ADAM12: variants seen among roughly 807,000 people sequenced by gnomAD.
ADAM12 encodes the protein disintegrin and metalloproteinase domain-containing protein 12.
A neutral mutation model predicts 106.4 loss-of-function variants in ADAM12; 70 were observed. That is an observed-to-expected ratio of 0.66 (90% CI 0.54 to 0.80). ADAM12 has a LOEUF of 0.80. ADAM12 is among the 30% of genes least tolerant of loss of function. The pLI is 0.00. For synonymous variants in ADAM12, 420 were observed against 433.5 expected (o/e 0.97, Z 0.39); for missense variants, 1,010 against 1,171.9 (o/e 0.86, Z 2.02).
At chr10:126,182,962 C>T (rs1363474184) in intron 3 of ADAM12, among the ~76,000 whole-genome samples, 1 of 152,218 alleles carries the variant, frequency 6.6e-6, no homozygotes, top group Non-Finnish European at 1.5e-5. Flanking sequence ...GTGAGTGAAG[C>T]TTCATCTGTA....
chr10:126,040,438 A>G (rs1207763430), intron 18 of ADAM12, among the ~76,000 whole-genome samples: 1 of 152,150 alleles, frequency 6.6e-6, no homozygotes, highest in African/African-American at 2.4e-5. Context: ...CTGGCTGTGG[A>G]TCACTGCAGC....
chr10:126,181,346 A>C (rs1957308823), intron 3 of ADAM12, among the ~76,000 whole-genome samples: 1 of 152,044 alleles, frequency 6.6e-6, no homozygotes, highest in Non-Finnish European at 1.5e-5. Context: ...TGCTGGGATT[A>C]TAGGCATGAG....
At chr10:126,109,925 G>A (rs1955839893) in intron 6 of ADAM12, 85 bp from the exon 7 acceptor site, 4 of 1,334,880 alleles carry the variant, frequency 3.0e-6, no homozygotes, top group Middle Eastern at 1.9e-4. Flanking sequence ...AAACACTTTA[G>A]GTTGAGAATG....
intron 3 of ADAM12, among the ~76,000 whole-genome samples, chr10:126,198,084 G>A (rs577317234): frequency 9.2e-4 from 140 of 152,366 alleles, no homozygotes; most frequent in Non-Finnish European, 1.7e-3. Flanking sequence ...ATCTCCTCAT[G>A]GGTTGGGGCT....
intron 3 of ADAM12, among the ~76,000 whole-genome samples, chr10:126,210,444 G>C (rs1415580935): frequency 6.6e-6 from 1 of 152,208 alleles, no homozygotes; most frequent in East Asian, 1.9e-4. Context: ...CCCAATCCAG[G>C]AGGAGGCAAT....
intron 3 of ADAM12, among the ~76,000 whole-genome samples, chr10:126,208,165 T>C (rs1325572386): frequency 1.3e-5 from 2 of 152,050 alleles, no homozygotes; most frequent in Non-Finnish European, 2.9e-5. Flanking sequence ...GAAGCCACCA[T>C]AAAAGGTTCT....
At chr10:126,089,166 C>T (rs1224560523) in intron 11 of ADAM12, among the ~76,000 whole-genome samples, 3 of 152,186 alleles carry the variant, frequency 2.0e-5, no homozygotes, top group Admixed American at 2.0e-4. Context: ...ATCCGTGTGA[C>T]AACTGTGGCA....
At chr10:126,307,177 A>G (rs1960882878) in intron 2 of ADAM12, among the ~76,000 whole-genome samples, 1 of 152,228 alleles carries the variant, frequency 6.6e-6, no homozygotes, top group Admixed American at 6.5e-5. Context: ...TTATAGAATC[A>G]TATTTGTAGA....
intron 3 of ADAM12, among the ~76,000 whole-genome samples, chr10:126,224,777 A>G (rs1958160406): frequency 6.6e-6 from 1 of 152,208 alleles, no homozygotes; most frequent in Non-Finnish European, 1.5e-5. Flanking sequence ...GCCACCTACA[A>G]GTGAGCAGGA....
At chr10:126,364,743 T>C (rs1855853459) in intron 1 of ADAM12, among the ~76,000 whole-genome samples, 1 of 151,988 alleles carries the variant, frequency 6.6e-6, no homozygotes. Flanking sequence ...ACTAACAATT[T>C]AAAAAAATCA....
intron 3 of ADAM12, among the ~76,000 whole-genome samples, chr10:126,259,940 G>C (rs1033222887): frequency 6.6e-6 from 1 of 152,206 alleles, no homozygotes; most frequent in Non-Finnish European, 1.5e-5. Context: ...TCACATGGGA[G>C]TTTGGTCATT....
chr10:126,123,303 G>A (rs1371465981), intron 5 of ADAM12, among the ~76,000 whole-genome samples: 1 of 152,228 alleles, frequency 6.6e-6, no homozygotes, highest in African/African-American at 2.4e-5. Context: ...GAATGTCACA[G>A]ATATTTAGTT....
At chr10:126,310,162 A>G (rs1342758572) in intron 2 of ADAM12, among the ~76,000 whole-genome samples, 1 of 150,468 alleles carries the variant, frequency 6.6e-6, no homozygotes, top group Non-Finnish European at 1.5e-5. Flanking sequence ...CTGTCTCAAA[A>G]AAAAAAAAAA....
intron 1 of ADAM12, among the ~76,000 whole-genome samples, chr10:126,342,741 T>C (rs1854974467): frequency 6.6e-6 from 1 of 152,220 alleles, no homozygotes; most frequent in African/African-American, 2.4e-5. Context: ...ACTGCCTTGG[T>C]TTAAAATCCA....
At chr10:126,087,528 C>G (rs1321477356) in intron 11 of ADAM12, among the ~76,000 whole-genome samples, 2 of 152,042 alleles carry the variant, frequency 1.3e-5, no homozygotes, top group African/African-American at 4.8e-5. Context: ...TCACCTAACA[C>G]TTTGAGGAAG....
intron 12 of ADAM12, among the ~76,000 whole-genome samples, chr10:126,069,776 CGGTG>C (rs1954948712): frequency 6.6e-6 from 1 of 151,876 alleles, no homozygotes; most frequent in South Asian, 2.1e-4. Context: ...GTAGTGATGA[CGGTG>C]GCGGCAGTGG....
intron 4 of ADAM12, among the ~76,000 whole-genome samples, chr10:126,143,562 T>G (rs1956564835): frequency 7.3e-6 from 1 of 137,190 alleles, no homozygotes; most frequent in South Asian, 2.6e-4. Context: ...CATGTATATG[T>G]GGGCACATGT....
chr10:126,241,128 T>C (rs972756942), intron 3 of ADAM12, among the ~76,000 whole-genome samples: 6 of 152,284 alleles, frequency 3.9e-5, no homozygotes, highest in African/African-American at 9.6e-5. Flanking sequence ...CAAGGGGACA[T>C]GTACTATATA....
chr10:126,299,881 T>G (rs1417525008), intron 2 of ADAM12, among the ~76,000 whole-genome samples: 1 of 152,162 alleles, frequency 6.6e-6, no homozygotes, highest in African/African-American at 2.4e-5. Flanking sequence ...TGACCTCAGT[T>G]GATCTGCCTG....
Sources: allele counts gnomAD v4.1 joint callset (sites outside exome capture counted in the v4.1 genomes callset), GRCh38; gene constraint gnomAD v4.1.1; transcripts MANE v1.5; gene names NCBI Gene and HGNC (gene_info 2026-07-23, HGNC 2026-07-21).